NIPAL3: variants seen among roughly 807,000 people sequenced by gnomAD.
NIPAL3 encodes the protein NIPA-like protein 3.
Under a neutral mutation model 47.2 loss-of-function variants are expected in NIPAL3, and 41 were observed. The ratio of observed to expected loss-of-function variants is 0.87; its 90% CI spans 0.68 to 1.13. NIPAL3 has a LOEUF of 1.13. Among genes scored for constraint, NIPAL3 ranks in the 50% most tolerant of loss-of-function variants. The pLI is 0.00. For missense variants in NIPAL3, 449 were observed against 530.1 expected (o/e 0.85, Z 1.50); for synonymous variants, 194 against 209.6 (o/e 0.93, Z 0.64).
intron 11 of NIPAL3, chr1:24,465,790 C>T (rs751112860): frequency 2.0e-6 from 1 of 494,678 alleles, no homozygotes; most frequent in Non-Finnish European, 3.3e-6. Context: ...AGGCCTCTTG[C>T]ACGGTGTCTG....
intron 2 of NIPAL3, among the ~76,000 whole-genome samples, chr1:24,426,114 C>T (rs757035228): frequency 3.9e-5 from 6 of 152,280 alleles, no homozygotes; most frequent in Middle Eastern, 3.4e-3. Flanking sequence ...AATTAACTTG[C>T]CCATGGCCAC....
chr1:24,460,474 G>C lies in NIPAL3; in HGVS notation c.863-7G>C. 6.3e-7 allele frequency: 1 copy of C among 1,586,988 alleles called. No homozygotes were observed. Among genetic ancestry groups the C allele is most frequent in the South Asian group, 1.2e-5 (1 of 86,198 alleles). ...TCAGCGGTATTTTCTATGATTTGCT[G>C]CTGCAGGTGCAATATTTTACCTGGA... On this transcript the variant is annotated splice_region_variant and splice_polypyrimidine_tract_variant and intron_variant, in intron 9 of 11. Coordinates refer to ENST00000374399, the MANE Select transcript of NIPAL3 (RefSeq NM_020448.5).
At chr1:24,441,580 C>G (rs1324613088) in intron 3 of NIPAL3, among the ~76,000 whole-genome samples, 1 of 152,194 alleles carries the variant, frequency 6.6e-6, no homozygotes, top group African/African-American at 2.4e-5. Context: ...CCAGCGAGAG[C>G]TGCTGGCATG....
At chr1:24,418,325 CT>C (rs1428790789) in intron 1 of NIPAL3, among the ~76,000 whole-genome samples, 1 of 152,176 alleles carries the variant, frequency 6.6e-6, no homozygotes, top group Non-Finnish European at 1.5e-5. Flanking sequence ...TAGAAGTATA[CT>C]TTCTCTTCTC....
rs921038804 is a variant in NIPAL3 at position 24,454,450 on chromosome 1, T to A, written c.637+946T>A. The A allele has an allele frequency of 9.0e-6, 9 of 996,520 alleles. No individual in the cohort carries two copies. Among genetic ancestry groups the A allele is most frequent in the African/African-American group, 1.7e-5 (1 of 57,246 alleles). 61.7% of individuals were successfully genotyped at this position (996,520 alleles called of 1,614,324 possible). ...GAGATGTGCACAGGTGGCTAATATG[T>A]GCATTTTTCTTCCAACCTTCCTACT... On this transcript the variant is annotated intron_variant, in intron 7 of 11. Transcript: ENST00000374399. This position sits in a 1 kb window ranked among gnomAD's most constrained non-coding sequence, Gnocchi z 4.1.
chr1:24,426,101 G>A (rs751258536), intron 2 of NIPAL3, among the ~76,000 whole-genome samples: 1 of 152,166 alleles, frequency 6.6e-6, no homozygotes, highest in Non-Finnish European at 1.5e-5. Flanking sequence ...GCGCAGAGAG[G>A]TTAATTAACT....
intron 11 of NIPAL3, among the ~76,000 whole-genome samples, chr1:24,468,689 C>T (rs1320603303): frequency 6.6e-6 from 1 of 152,152 alleles, no homozygotes; most frequent in Non-Finnish European, 1.5e-5. Flanking sequence ...AGTTCCATTC[C>T]ACCTGGGGCC....
At chr1:24,462,116 G>A (rs185489472) in intron 10 of NIPAL3, among the ~76,000 whole-genome samples, 45 of 152,292 alleles carry the variant, frequency 3.0e-4, no homozygotes, top group Admixed American at 9.2e-4. Context: ...GCAGCAGGAA[G>A]GAGAGAAGTG....
intron 2 of NIPAL3, among the ~76,000 whole-genome samples, chr1:24,420,693 A>T (rs1265580017): frequency 6.6e-6 from 1 of 152,156 alleles, no homozygotes; most frequent in Non-Finnish European, 1.5e-5. Context: ...ATATTTCCCC[A>T]TGTCATCAAG....
At position 24,445,249 on chromosome 1, in the gene NIPAL3, G is replaced by A; in HGVS notation, c.394+5G>A. On this transcript the variant is annotated splice_donor_5th_base_variant and intron_variant, in intron 5 of 11. Coordinates refer to ENST00000374399, the MANE Select transcript of NIPAL3 (RefSeq NM_020448.5). Reference sequence around the variant, plus strand: ...GGAAACCGAAAGACTTTCTGAGTAAGTTCAGTGATTTGAGCTGTGTCCTTG... The same window carrying A: ...GGAAACCGAAAGACTTTCTGAGTAAATTCAGTGATTTGAGCTGTGTCCTTG... 1 of 1,596,970 alleles carries A rather than the reference G, an allele frequency of 6.3e-7. No homozygotes were observed. The highest frequency in any genetic ancestry group is 8.6e-7 in the Non-Finnish European group (1 of 1,164,526).
intron 5 of NIPAL3, among the ~76,000 whole-genome samples, chr1:24,446,400 A>G (rs9970476): frequency 8.7e-4 from 133 of 152,132 alleles, no homozygotes; most frequent in African/African-American, 3.0e-3. Flanking sequence ...TCCATTAGCT[A>G]TTCTTCCCAA....
intron 11 of NIPAL3, among the ~76,000 whole-genome samples, chr1:24,468,169 G>A (rs905099450): frequency 3.3e-5 from 5 of 151,904 alleles, no homozygotes; most frequent in African/African-American, 1.2e-4. Flanking sequence ...CAAAAAATTA[G>A]CCAGGCATGG....
At chr1:24,424,743 G>T (rs1644495632) in intron 2 of NIPAL3, among the ~76,000 whole-genome samples, 2 of 152,172 alleles carry the variant, frequency 1.3e-5, no homozygotes, top group African/African-American at 2.4e-5. Context: ...GCTTGGGTAA[G>T]GTGTCTACCT....
At chr1:24,445,083 C>T (rs1352397188) in intron 4 of NIPAL3, 102 bp from the exon 5 acceptor site, 1 of 729,406 alleles carries the variant, frequency 1.4e-6, no homozygotes, top group Non-Finnish European at 2.4e-6. Flanking sequence ...TTAGGAAGTA[C>T]CAAGCTCCAA....
chr1:24,434,750 G>A (rs1195262505), intron 2 of NIPAL3, among the ~76,000 whole-genome samples: 1 of 152,088 alleles, frequency 6.6e-6, no homozygotes. Context: ...GATCACAATG[G>A]AATGAAATTA....
At chr1:24,426,603 C>G (rs1287448178) in intron 2 of NIPAL3, among the ~76,000 whole-genome samples, 1 of 152,110 alleles carries the variant, frequency 6.6e-6, no homozygotes, top group Admixed American at 6.5e-5. Flanking sequence ...AGTTGGGAGG[C>G]CTCATACTTC....
intron 2 of NIPAL3, among the ~76,000 whole-genome samples, chr1:24,427,203 G>A (rs904876627): frequency 1.3e-4 from 20 of 152,302 alleles, no homozygotes; most frequent in African/African-American, 4.8e-4. Context: ...CAACCTGAGG[G>A]TTGGAGGAAG....
At position 24,445,256 on chromosome 1, in the gene NIPAL3, G is replaced by T. The variant is rs1425272214; in HGVS notation, c.394+12G>T. The T allele has an allele frequency of 1.9e-6, 3 of 1,583,014 alleles. No homozygotes were observed. In the African/African-American group the frequency reaches 4.0e-5, roughly 21 times the overall value. On this transcript the variant is annotated intron_variant, in intron 5 of 11. Transcript: ENST00000374399. ...GAAAGACTTTCTGAGTAAGTTCAGTGATTTGAGCTGTGTCCTTGATTTTAT... is the reference window on the plus strand; with the variant it reads ...GAAAGACTTTCTGAGTAAGTTCAGTTATTTGAGCTGTGTCCTTGATTTTAT...
At position 24,416,152 on chromosome 1, in the gene NIPAL3, G is replaced by T; in HGVS notation, c.-258+248G>T. The T allele has an allele frequency of 1.0e-6, 1 of 985,526 alleles. No homozygotes were observed. The allele number at this position is 985,526 out of a possible 1,614,324, so 61.0% of individuals were successfully genotyped here. A position where few individuals can be genotyped will look rare whatever the true frequency, so the allele number is the denominator to read the frequency against. On this transcript the variant is annotated intron_variant, in intron 1 of 11. Coordinates refer to ENST00000374399, the MANE Select transcript of NIPAL3 (RefSeq NM_020448.5). The surrounding 1 kb of genome is among the most constrained non-coding windows in gnomAD (Gnocchi z 4.8). ...GCTCTACCAAACCAGGAAGTGACATGGAGTTAACTTTGCCAGAATTTCTCC... is the reference window on the plus strand; with the variant it reads ...GCTCTACCAAACCAGGAAGTGACATTGAGTTAACTTTGCCAGAATTTCTCC...
Sources: allele counts gnomAD v4.1 joint callset (sites outside exome capture counted in the v4.1 genomes callset), GRCh38; gene constraint gnomAD v4.1.1; non-coding constraint Gnocchi (gnomAD v3.1); transcripts MANE v1.5; gene names NCBI Gene and HGNC (gene_info 2026-07-23, HGNC 2026-07-21).